Variants in ADK observed in about 807,000 individuals in gnomAD.
The protein encoded by ADK is adenosine kinase, also known as N6,N6-dimethyladenosine kinase.
A neutral mutation model predicts 44.7 loss-of-function variants in ADK; 24 were observed. That is an observed-to-expected ratio of 0.54 (90% CI 0.39 to 0.76). The LOEUF is 0.76. ADK is among the 30% of genes least tolerant of loss of function. ADK has a pLI of 0.00. For synonymous variants in ADK, 128 were observed against 142.6 expected (o/e 0.90, Z 0.73); for missense variants, 321 against 425.1 (o/e 0.76, Z 2.15).
At chr10:74,230,949 T>C (rs919305108) in intron 3 of ADK, among the ~76,000 whole-genome samples, 1 of 152,172 alleles carries the variant, frequency 6.6e-6, no homozygotes, top group Non-Finnish European at 1.5e-5. Flanking sequence ...CCCAAAGTGC[T>C]GGGATTATAG....
chr10:74,523,824 AAT>A (rs1298803287), intron 6 of ADK, among the ~76,000 whole-genome samples: 4 of 152,200 alleles, frequency 2.6e-5, no homozygotes, highest in Admixed American at 6.5e-5. Flanking sequence ...TAGTACTCCT[AAT>A]ATGGTTTTCT....
At chr10:74,342,676 T>C (rs1841619554) in intron 4 of ADK, among the ~76,000 whole-genome samples, 1 of 152,160 alleles carries the variant, frequency 6.6e-6, no homozygotes, top group East Asian at 1.9e-4. Context: ...AGTCTTGCCA[T>C]GTTGCCCAGG....
At chr10:74,557,880 G>GT (rs1181932344) in intron 7 of ADK, among the ~76,000 whole-genome samples, 26 of 152,234 alleles carry the variant, frequency 1.7e-4, no homozygotes, top group African/African-American at 6.3e-4. Context: ...TTTGCAGTTG[G>GT]TTAAGGAAGA....
chr10:74,669,754 T>A (rs1464867134), intron 9 of ADK, among the ~76,000 whole-genome samples: 1 of 152,228 alleles, frequency 6.6e-6, no homozygotes, highest in East Asian at 1.9e-4. Flanking sequence ...TATATTTTTT[T>A]AAATTTACAA....
chr10:74,708,456 G>C lies in ADK; in HGVS notation c.*11G>C. ...CCAGACTTCCACTGATGGAAGAGCT[G>C]AAAACACAAGCCCAGGAGTGCAGAC... On this transcript the variant is annotated 3_prime_UTR_variant, in exon 11 of 11. Coordinates refer to ENST00000539909, the MANE Select transcript of ADK (RefSeq NM_006721.4). 6.2e-7 allele frequency: 1 copy of C among 1,609,196 alleles called. No individual in the cohort carries two copies. The highest frequency in any genetic ancestry group is 8.5e-7 in the Non-Finnish European group (1 of 1,178,558).
At chr10:74,618,055 CATG>C (rs946264542) in intron 9 of ADK, among the ~76,000 whole-genome samples, 35 of 152,094 alleles carry the variant, frequency 2.3e-4, no homozygotes, top group African/African-American at 8.0e-4. Flanking sequence ...TTAGTGTTTA[CATG>C]ATATCTTTTT....
intron 7 of ADK, among the ~76,000 whole-genome samples, chr10:74,534,183 T>C (rs901682122): frequency 1.3e-5 from 2 of 152,208 alleles, no homozygotes; most frequent in Non-Finnish European, 2.9e-5. Flanking sequence ...TGTGTTCCCA[T>C]TGAGGTTGTG....
Position 74,201,435 on chromosome 10 carries a change from T to C in ADK, c.140+597T>C, listed in dbSNP as rs549209381. ...CAGTTTCTGAGGTCTCAGTTACCCA[T>C]AGGACAGTGTAATAAGACATTTTGA... On this transcript the variant is annotated intron_variant, in intron 2 of 10. Coordinates refer to ENST00000539909, the MANE Select transcript of ADK (RefSeq NM_006721.4). Among the ~76,000 whole-genome samples, 4 of 152,320 alleles carry C rather than the reference T, an allele frequency of 2.6e-5. No homozygotes were observed. In the South Asian group the frequency reaches 6.2e-4, roughly 24 times the overall value.
chr10:74,560,623 A>C (rs1300925740), intron 7 of ADK, among the ~76,000 whole-genome samples: 3 of 152,196 alleles, frequency 2.0e-5, no homozygotes. Context: ...AATTTTGTTA[A>C]TTTAGTCTTT....
At chr10:74,360,018 C>T (rs1305368945) in intron 4 of ADK, among the ~76,000 whole-genome samples, 1 of 152,064 alleles carries the variant, frequency 6.6e-6, no homozygotes, top group African/African-American at 2.4e-5. Context: ...AATTCACTTA[C>T]CAGTTCTAAT....
chr10:74,411,403 C>T (rs1844171233), intron 6 of ADK, among the ~76,000 whole-genome samples: 1 of 151,956 alleles, frequency 6.6e-6, no homozygotes, highest in Non-Finnish European at 1.5e-5. Flanking sequence ...CTTTGCTTAA[C>T]AATAAAGCAA....
At chr10:74,279,450 G>A (rs1380802159) in intron 3 of ADK, among the ~76,000 whole-genome samples, 1 of 151,886 alleles carries the variant, frequency 6.6e-6, no homozygotes, top group Non-Finnish European at 1.5e-5. Flanking sequence ...GCTGGGCATG[G>A]TGGCTCATGC....
intron 4 of ADK, among the ~76,000 whole-genome samples, chr10:74,318,804 G>A (rs1221588519): frequency 6.6e-6 from 1 of 152,152 alleles, no homozygotes; most frequent in Non-Finnish European, 1.5e-5. Context: ...AAGATAGATG[G>A]ATATTTTTAT....
intron 9 of ADK, among the ~76,000 whole-genome samples, chr10:74,610,855 T>G (rs1006643063): frequency 6.6e-6 from 1 of 151,992 alleles, no homozygotes; most frequent in South Asian, 2.1e-4. Context: ...AAAAAGTAAA[T>G]ATATATATGT....
chr10:74,187,308 A>T (rs537150028), intron 1 of ADK, among the ~76,000 whole-genome samples: 1 of 152,242 alleles, frequency 6.6e-6, no homozygotes, highest in South Asian at 2.1e-4. Flanking sequence ...TTATCACTTG[A>T]TAGATATTTG....
chr10:74,259,668 A>C (rs1845969660), intron 3 of ADK, among the ~76,000 whole-genome samples: 1 of 151,766 alleles, frequency 6.6e-6, no homozygotes, highest in African/African-American at 2.4e-5. Context: ...CATGTTAGCC[A>C]GGATGGTCTC....
intron 3 of ADK, among the ~76,000 whole-genome samples, chr10:74,226,938 GA>G (rs1464268691): frequency 6.6e-6 from 1 of 152,032 alleles, no homozygotes; most frequent in African/African-American, 2.4e-5. Flanking sequence ...ACTTTCAGTT[GA>G]ATATGGCACC....
chr10:74,233,649 A>G (rs1444357404), intron 3 of ADK, among the ~76,000 whole-genome samples: 2 of 152,230 alleles, frequency 1.3e-5, no homozygotes, highest in Non-Finnish European at 2.9e-5. Flanking sequence ...ACTTTGTTTA[A>G]TCACTTAGTC....
At chr10:74,623,300 AAGCCCTGTCTTACAGT>A (rs1425809020) in intron 9 of ADK, among the ~76,000 whole-genome samples, 1 of 152,174 alleles carries the variant, frequency 6.6e-6, no homozygotes, top group East Asian at 1.9e-4. Context: ...AAGATTAGAA[AAGCCCTGTCTTACAGT>A]ATCCCTCAAA....
Sources: gnomAD v4.1 joint callset for allele counts (sites outside exome capture counted in the v4.1 genomes callset) on GRCh38, gnomAD v4.1.1 for gene constraint, MANE v1.5 for transcripts, NCBI Gene and HGNC (gene_info 2026-07-23, HGNC 2026-07-21) for gene names.